OR9Q1: variants seen among roughly 807,000 people sequenced by gnomAD.
OR9Q1 encodes the protein olfactory receptor 9Q1.
For missense variants in OR9Q1, 374 were observed against 378.8 expected (o/e 0.99, Z 0.11); for synonymous variants, 153 against 148.6 (o/e 1.03, Z -0.22).
intron 2 of OR9Q1, among the ~76,000 whole-genome samples, chr11:58,112,994 G>C (rs1853917236): frequency 6.6e-6 from 1 of 152,080 alleles, no homozygotes; most frequent in Non-Finnish European, 1.5e-5. Flanking sequence ...GAACCCTAGA[G>C]TTGGAGAGGA....
At chr11:58,126,195 G>T (rs193042689) in intron 2 of OR9Q1, among the ~76,000 whole-genome samples, 27 of 152,178 alleles carry the variant, frequency 1.8e-4, no homozygotes, top group Admixed American at 2.6e-4. Flanking sequence ...CTCTTCCCTC[G>T]TCTCTGAAAC....
intron 2 of OR9Q1, among the ~76,000 whole-genome samples, chr11:58,106,960 C>T (rs1027383609): frequency 3.9e-5 from 6 of 152,058 alleles, no homozygotes; most frequent in African/African-American, 1.4e-4. Flanking sequence ...CTTAGCTATT[C>T]TAGGTATTTT....
intron 1 of OR9Q1, among the ~76,000 whole-genome samples, chr11:58,053,024 T>C (rs1853281995): frequency 6.6e-6 from 1 of 151,384 alleles, no homozygotes; most frequent in Admixed American, 6.6e-5. Flanking sequence ...GTTCAACCAT[T>C]GTGGAAGTCA....
At chr11:58,130,804 C>CA (rs71454318) in intron 2 of OR9Q1, among the ~76,000 whole-genome samples, 3,509 of 129,084 alleles carry the variant, frequency 0.027, 56 homozygotes, top group African/African-American at 0.056. Flanking sequence ...AAGACTGTCT[C>CA]AAAAAAAAAA....
rs1291620410 is a variant in OR9Q1, at chr11:58,181,465, A to C, written c.*1088A>C. 1 of 166,840 alleles carries C rather than the reference A, an allele frequency of 6.0e-6. No individual in the cohort carries two copies. Among genetic ancestry groups the C allele is most frequent in the African/African-American group, 2.4e-5 (1 of 41,334 alleles). The allele number at this position is 166,840 out of a possible 1,614,324, so 10.3% of individuals were successfully genotyped here. A position where few individuals can be genotyped will look rare whatever the true frequency, so the allele number is the denominator to read the frequency against. On this transcript the variant is annotated 3_prime_UTR_variant, in exon 3 of 3. Transcript: ENST00000335397. ...AGGGGACTTGTCTCAATCAAACCCA[A>C]GGCACTGGAAGAGAGCAGGCCCCAT...
intron 2 of OR9Q1, among the ~76,000 whole-genome samples, chr11:58,061,021 G>T (rs1308297898): frequency 6.6e-6 from 1 of 152,090 alleles, no homozygotes; most frequent in African/African-American, 2.4e-5. Context: ...TCTCCAATCA[G>T]ATTCTAAGCA....
intron 2 of OR9Q1, among the ~76,000 whole-genome samples, chr11:58,143,471 T>A (rs768445598): frequency 1.3e-5 from 2 of 152,228 alleles, no homozygotes; most frequent in Non-Finnish European, 2.9e-5. Flanking sequence ...GTTTTGGAAG[T>A]GCCTAAGGAA....
intron 2 of OR9Q1, among the ~76,000 whole-genome samples, chr11:58,167,219 T>G (rs570559778): frequency 6.6e-6 from 1 of 152,324 alleles, no homozygotes; most frequent in South Asian, 2.1e-4. Flanking sequence ...TGTTAAAATA[T>G]TATTTATTAG....
At chr11:58,143,097 G>A (rs1854266344) in intron 2 of OR9Q1, among the ~76,000 whole-genome samples, 1 of 152,164 alleles carries the variant, frequency 6.6e-6, no homozygotes, top group Admixed American at 6.5e-5. Context: ...GTTGATGTTG[G>A]AACTCCAGGT....
At chr11:58,119,430 A>T in intron 2 of OR9Q1, 5 of 1,606,510 alleles carry the variant, frequency 3.1e-6, no homozygotes, top group Non-Finnish European at 4.3e-6. Flanking sequence ...CTCTGGTGAG[A>T]TTATTCTTGG....
chr11:58,050,675 T>G (rs1200179577), intron 1 of OR9Q1, among the ~76,000 whole-genome samples: 2 of 129,136 alleles, frequency 1.5e-5, no homozygotes, highest in African/African-American at 5.5e-5. Context: ...TACAACATGG[T>G]AGAAAATTTT....
At chr11:58,145,648 G>A (rs1181804516) in intron 2 of OR9Q1, among the ~76,000 whole-genome samples, 2 of 152,190 alleles carry the variant, frequency 1.3e-5, no homozygotes, top group African/African-American at 2.4e-5. Context: ...TATGGGTAAA[G>A]GTCAAGAGAT....
chr11:58,086,820 G>C (rs1260521542), intron 2 of OR9Q1, among the ~76,000 whole-genome samples: 2 of 151,822 alleles, frequency 1.3e-5, no homozygotes, highest in African/African-American at 4.9e-5. Flanking sequence ...GAAATAGAGA[G>C]TAGAATAGTG....
chr11:58,113,268 G>T (rs907114555), intron 2 of OR9Q1, among the ~76,000 whole-genome samples: 19 of 152,178 alleles, frequency 1.2e-4, no homozygotes, highest in African/African-American at 4.3e-4. Context: ...GAAGTCCAGA[G>T]AAGTGACTTT....
intron 2 of OR9Q1, among the ~76,000 whole-genome samples, chr11:58,079,246 C>CTT (rs111619553): frequency 7.0e-6 from 1 of 143,884 alleles, no homozygotes; most frequent in African/African-American, 2.5e-5. Flanking sequence ...AGTTCTGAGT[C>CTT]TTTTTTTTTT....
intron 2 of OR9Q1, among the ~76,000 whole-genome samples, chr11:58,094,701 A>G (rs1853714399): frequency 6.6e-6 from 1 of 152,194 alleles, no homozygotes; most frequent in Non-Finnish European, 1.5e-5. Flanking sequence ...TAGAACCAAT[A>G]TTTTACTAAG....
intron 2 of OR9Q1, among the ~76,000 whole-genome samples, chr11:58,063,546 A>G (rs1247012064): frequency 6.6e-6 from 1 of 152,196 alleles, no homozygotes; most frequent in Admixed American, 6.6e-5. Flanking sequence ...ATTGCAGAAG[A>G]AAAAAAGCAT....
At chr11:58,161,752 G>A (rs979796787) in intron 2 of OR9Q1, among the ~76,000 whole-genome samples, 4 of 152,078 alleles carry the variant, frequency 2.6e-5, no homozygotes, top group Non-Finnish European at 5.9e-5. Flanking sequence ...GGCTGGTCTC[G>A]AACTCCCGGC....
At chr11:58,025,102 A>G (rs897670331) in intron 1 of OR9Q1, among the ~76,000 whole-genome samples, 5 of 152,230 alleles carry the variant, frequency 3.3e-5, no homozygotes, top group African/African-American at 7.2e-5. Context: ...TCATAGGATC[A>G]TAGTACAATA....
Sources: gnomAD v4.1 joint callset for allele counts (sites outside exome capture counted in the v4.1 genomes callset) on GRCh38, gnomAD v4.1.1 for gene constraint, MANE v1.5 for transcripts, NCBI Gene and HGNC (gene_info 2026-07-23, HGNC 2026-07-21) for gene names.